FAM83B: variants seen among roughly 807,000 people sequenced by gnomAD.
FAM83B encodes protein FAM83B.
FAM83B carries 26 observed loss-of-function variants against 38.8 expected under a neutral mutation model. The ratio of observed to expected loss-of-function variants is 0.67; its 90% CI spans 0.49 to 0.93. The LOEUF (loss-of-function observed/expected upper bound fraction) is 0.93. FAM83B is among the 40% of genes least tolerant of loss of function. The pLI is 0.00. For missense variants in FAM83B, 1,237 were observed against 1,197.3 expected (o/e 1.03, Z -0.49); for synonymous variants, 419 against 423.1 (o/e 0.99, Z 0.12).
Position 54,941,425 on chromosome 6 carries a change from G to T in FAM83B, c.2454G>T (p.Lys818Asn). ...VSEGEENQKP[K>N]KSDTKVDSSP... Reference sequence around the variant, plus strand: ...AGGGTGAAGAAAATCAAAAACCAAAGAAATCAGACACAAAAGTTGATTCAT... The same window carrying T: ...AGGGTGAAGAAAATCAAAAACCAAATAAATCAGACACAAAAGTTGATTCAT... The change falls in exon 5 of 5, where the codon AAG becomes AAT. Residue 818 changes from lysine (K) to asparagine (N), a missense_variant. Lys to Asn is a moderately conservative substitution (Grantham distance 94). Coordinates refer to ENST00000306858, the MANE Select transcript of FAM83B (RefSeq NM_001010872.3). The T allele has an allele frequency of 6.2e-7, 1 of 1,612,952 alleles. No individual in the cohort carries two copies. Among genetic ancestry groups the T allele is most frequent in the South Asian group, 1.1e-5 (1 of 90,804 alleles).
At chr6:54,908,981 T>G (rs1212856679) in intron 2 of FAM83B, among the ~76,000 whole-genome samples, 1 of 152,200 alleles carries the variant, frequency 6.6e-6, no homozygotes, top group Non-Finnish European at 1.5e-5. Flanking sequence ...AATATTAGTT[T>G]CTATGATATT....
At chr6:54,861,870 G>C (rs780841527) in intron 1 of FAM83B, among the ~76,000 whole-genome samples, 2 of 152,108 alleles carry the variant, frequency 1.3e-5, no homozygotes, top group African/African-American at 4.8e-5. Flanking sequence ...GCTTATGTAC[G>C]TTTTAAGCCC....
intron 2 of FAM83B, among the ~76,000 whole-genome samples, chr6:54,897,413 G>T (rs1772562112): frequency 6.6e-6 from 1 of 152,028 alleles, no homozygotes; most frequent in African/African-American, 2.4e-5. Flanking sequence ...TAAAATTTCT[G>T]ACATTTACTT....
intron 2 of FAM83B, among the ~76,000 whole-genome samples, chr6:54,883,429 G>C (rs1265185065): frequency 6.7e-6 from 1 of 148,504 alleles, no homozygotes; most frequent in African/African-American, 2.5e-5. Flanking sequence ...CCGCCTCCCA[G>C]GTTCAAGTGA....
intron 1 of FAM83B, among the ~76,000 whole-genome samples, chr6:54,868,915 G>T (rs1771780138): frequency 6.6e-6 from 1 of 152,192 alleles, no homozygotes; most frequent in African/African-American, 2.4e-5. Flanking sequence ...GGTAAATGGA[G>T]GCACCCTTTG....
At chr6:54,912,420 CA>C (rs1309587736) in intron 2 of FAM83B, among the ~76,000 whole-genome samples, 3,695 of 101,132 alleles carry the variant, frequency 0.037, 48 homozygotes, top group Admixed American at 0.05. Context: ...TTTCCCCAGC[CA>C]AAAAAAAAAA....
At chr6:54,922,585 C>T (rs1359331182) in intron 2 of FAM83B, among the ~76,000 whole-genome samples, 2 of 151,880 alleles carry the variant, frequency 1.3e-5, no homozygotes, top group African/African-American at 4.8e-5. Flanking sequence ...CTTCATCTGG[C>T]TCCTCATACC....
intron 4 of FAM83B, among the ~76,000 whole-genome samples, chr6:54,928,682 T>G (rs1170023646): frequency 6.6e-6 from 1 of 152,214 alleles, no homozygotes; most frequent in African/African-American, 2.4e-5. Flanking sequence ...AATATATTTG[T>G]CCAGACCCAC....
rs1333537578 is a variant in FAM83B, at chr6:54,927,606, C to G, written c.708C>G (p.Cys236Trp). 6.2e-7 allele frequency: 1 copy of G among 1,606,366 alleles called. No individual in the cohort carries two copies. The highest frequency in any genetic ancestry group is 8.5e-7 in the Non-Finnish European group (1 of 1,175,548). ...KMEQKFLLVD[C>W]QKVMYGSYSY... ...AACAGAAATTTTTGTTAGTTGACTG[C>G]CAGAAAGTGATGTACGGTTCTTACA... Residue 236 changes from cysteine to tryptophan, a missense_variant, in exon 4 of 5, where the codon TGC (cysteine) becomes TGG (tryptophan). Transcript: ENST00000306858.
At chr6:54,897,632 C>T (rs1772569813) in intron 2 of FAM83B, among the ~76,000 whole-genome samples, 1 of 152,098 alleles carries the variant, frequency 6.6e-6, no homozygotes, top group Non-Finnish European at 1.5e-5. Flanking sequence ...GAGTTATATT[C>T]TGGAATTTCT....
At chr6:54,931,458 G>C (rs1773418030) in intron 4 of FAM83B, among the ~76,000 whole-genome samples, 1 of 151,680 alleles carries the variant, frequency 6.6e-6, no homozygotes, top group African/African-American at 2.4e-5. Flanking sequence ...GTATATTTAG[G>C]AGCTCTGAGG....
intron 2 of FAM83B, among the ~76,000 whole-genome samples, chr6:54,886,555 T>G (rs552974528): frequency 6.6e-6 from 1 of 152,162 alleles, no homozygotes; most frequent in East Asian, 1.9e-4. Context: ...GTTTTTCTTA[T>G]GGATTGGCAT....
chr6:54,940,727 A>T lies in FAM83B; in HGVS notation c.1756A>T (p.Asn586Tyr). The T allele has an allele frequency of 6.2e-7, 1 of 1,614,038 alleles. No individual in the cohort carries two copies. The highest frequency in any genetic ancestry group is 8.5e-7 in the Non-Finnish European group (1 of 1,180,004). ...TPKEVPDTPTNVQHLTDKPLP... is the reference protein window; with the variant it reads ...TPKEVPDTPTYVQHLTDKPLP... ...TAAAGAGGTCCCAGACACCCCTACG[A>T]ATGTACAGCATTTGACAGACAAACC... Residue 586 changes from asparagine (N) to tyrosine (Y), a missense_variant, in exon 5 of 5, where the codon AAT (asparagine) becomes TAT (tyrosine). Coordinates refer to ENST00000306858, the MANE Select transcript of FAM83B (RefSeq NM_001010872.3).
chr6:54,852,146 A>T (rs1233963296), intron 1 of FAM83B, among the ~76,000 whole-genome samples: 1 of 152,182 alleles, frequency 6.6e-6, no homozygotes, highest in African/African-American at 2.4e-5. Flanking sequence ...GGTATTCTAA[A>T]AATCTGTACA....
intron 2 of FAM83B, among the ~76,000 whole-genome samples, chr6:54,896,429 A>G (rs1389883158): frequency 6.6e-6 from 1 of 152,162 alleles, no homozygotes; most frequent in Admixed American, 6.5e-5. Flanking sequence ...CTCAGAGCTC[A>G]TTTACCCTTG....
chr6:54,941,727 C>T lies in FAM83B; in HGVS notation c.2756C>T (p.Thr919Met), dbSNP rs1423591377. Residue 919 changes from threonine to methionine, a missense_variant, in exon 5 of 5, where the codon ACG becomes ATG. Coordinates refer to ENST00000306858, the MANE Select transcript of FAM83B (RefSeq NM_001010872.3). ...AGACCTACTTCTTCTCCAAGGCCAACGTCCAGTGAGCTTCTACGATCTCAT... is the reference window on the plus strand; with the variant it reads ...AGACCTACTTCTTCTCCAAGGCCAATGTCCAGTGAGCTTCTACGATCTCAT... The part of the protein sequence containing the change: ...ERRPTSSPRP[T>M]SSELLRSHST... 5.6e-6 allele frequency: 9 copies of T among 1,614,110 alleles called. No homozygotes were observed. The highest frequency in any genetic ancestry group is 4.5e-5 in the East Asian group (2 of 44,868).
chr6:54,940,085 A>G lies in FAM83B; in HGVS notation c.1114A>G (p.Ile372Val), dbSNP rs1244681231. The change falls in exon 5 of 5, where the codon ATA becomes GTA. Residue 372 changes from isoleucine to valine, a missense_variant. Ile to Val is a conservative substitution (Grantham distance 29). Coordinates refer to ENST00000306858, the MANE Select transcript of FAM83B (RefSeq NM_001010872.3). ...FVPNFNGPNA[I>V]RQFQPNQINE... The stretch of plus-strand genomic sequence containing the variant: ...TCCTAACTTTAATGGTCCAAACGCA[A>G]TACGTCAGTTTCAACCCAATCAGAT... 1 of 1,613,942 alleles carries G rather than the reference A, an allele frequency of 6.2e-7. No homozygotes were observed. Among genetic ancestry groups the G allele is most frequent in the Admixed American group, 1.7e-5 (1 of 59,972 alleles).
intron 4 of FAM83B, among the ~76,000 whole-genome samples, chr6:54,936,296 T>C: frequency 6.6e-6 from 1 of 152,258 alleles, no homozygotes; most frequent in African/African-American, 2.4e-5. Context: ...CTTCTTAGTT[T>C]TCTAACCTCA....
intron 4 of FAM83B, among the ~76,000 whole-genome samples, chr6:54,932,007 C>CTTTTTT (rs377085448): frequency 1.1e-4 from 10 of 89,194 alleles, no homozygotes; most frequent in Admixed American, 2.8e-4. Context: ...TTACATAAAA[C>CTTTTTT]TTTTTTTTTT....
Sources: allele counts gnomAD v4.1 joint callset (sites outside exome capture counted in the v4.1 genomes callset), GRCh38; gene constraint gnomAD v4.1.1; transcripts MANE v1.5; gene names NCBI Gene and HGNC (gene_info 2026-07-23, HGNC 2026-07-21).